Variants in DPY19L1 observed in about 807,000 individuals in gnomAD.
DPY19L1 encodes dpy-19 like C-mannosyltransferase 1, also known as protein C-mannosyl-transferase DPY19L1.
DPY19L1 carries 35 observed loss-of-function variants against 96.9 expected under a neutral mutation model. That is an observed-to-expected ratio of 0.36 (90% CI 0.28 to 0.48). DPY19L1 has a LOEUF of 0.48. Among genes scored for constraint, DPY19L1 ranks in the 20% least tolerant of loss-of-function variants. The pLI is 0.99. For synonymous variants in DPY19L1, 205 were observed against 252.6 expected (o/e 0.81, Z 1.79); for missense variants, 521 against 777.9 (o/e 0.67, Z 3.93).
chr7:35,032,190 C>T lies in DPY19L1; in HGVS notation c.298+4907G>A, dbSNP rs329264. On this transcript the variant is annotated intron_variant, in intron 1 of 21. Transcript: ENST00000638088. ...AATGTTAGGGTTTCTCAGAATTGGA[C>T]TCTAGGGTTTCATTTCTTTTGCTGT... Among the ~76,000 whole-genome samples the T allele has an allele frequency of 1.4e-3, 218 of 152,262 alleles. 1 individual carries two copies. Among genetic ancestry groups the T allele is most frequent in the African/African-American group, 5.1e-3 (212 of 41,540 alleles).
chr7:34,964,896 AT>A (rs1199195828), intron 10 of DPY19L1, among the ~76,000 whole-genome samples: 1 of 152,192 alleles, frequency 6.6e-6, no homozygotes, highest in Non-Finnish European at 1.5e-5. Flanking sequence ...CAATGGAAAC[AT>A]GAAGGGCATA....
intron 7 of DPY19L1, among the ~76,000 whole-genome samples, chr7:34,976,311 T>C (rs1406912388): frequency 2.0e-5 from 3 of 152,154 alleles, no homozygotes; most frequent in Non-Finnish European, 4.4e-5. Flanking sequence ...TAACTGCAGA[T>C]GTGATGGAAA....
intron 1 of DPY19L1, among the ~76,000 whole-genome samples, chr7:35,035,417 C>A (rs1377453060): frequency 6.6e-6 from 1 of 152,032 alleles, no homozygotes; most frequent in African/African-American, 2.4e-5. Flanking sequence ...TCAAAGGAAA[C>A]GCAATCAAAA....
chr7:34,940,136 CTT>C lies in DPY19L1; in HGVS notation c.1864+15_1864+16del, dbSNP rs374009680. On this transcript the variant is annotated intron_variant, in intron 19 of 21. Transcript: ENST00000638088. ...AGCTAAATAATATGACTTTTTTTTTCTTTTTTTTTTTTTTACCTGGTTTAGTA... is the reference window on the plus strand; with the variant it reads ...AGCTAAATAATATGACTTTTTTTTTCTTTTTTTTTTTTACCTGGTTTAGTA... The C allele has an allele frequency of 6.5e-3, 7,886 of 1,220,988 alleles. No individual in the cohort carries two copies. Among genetic ancestry groups the C allele is most frequent in the South Asian group, 0.021 (1,068 of 51,236 alleles). The allele number at this position is 1,220,988 out of a possible 1,614,324, so 75.6% of individuals were successfully genotyped here.
chr7:35,018,424 A>C (rs1785911337), intron 2 of DPY19L1, 148 bp downstream of exon 2: 1 of 690,244 alleles, frequency 1.4e-6, no homozygotes, highest in South Asian at 2.0e-5. Context: ...TGATTTATCA[A>C]TTAAACTAGT....
chr7:34,957,901 C>G, intron 11 of DPY19L1, 83 bp downstream of exon 11: 1 of 853,648 alleles, frequency 1.2e-6, no homozygotes, highest in Non-Finnish European at 1.8e-6. Flanking sequence ...ACAGAAAACC[C>G]TGATGAATCC....
chr7:35,035,916 A>AG (rs1360629124), intron 1 of DPY19L1, among the ~76,000 whole-genome samples: 8 of 143,322 alleles, frequency 5.6e-5, no homozygotes, highest in Non-Finnish European at 9.3e-5. Context: ...ATAAAAAAAA[A>AG]GGGGGCGGGG....
At chr7:34,938,154 A>C (rs1025677103) in intron 20 of DPY19L1, 35 bp from the exon 21 acceptor site, 1 of 1,596,502 alleles carries the variant, frequency 6.3e-7, no homozygotes, top group Admixed American at 1.7e-5. Context: ...AAAATTTTCA[A>C]GACTAAAACG....
At chr7:34,974,315 G>A (rs1485090669) in intron 7 of DPY19L1, among the ~76,000 whole-genome samples, 2 of 152,124 alleles carry the variant, frequency 1.3e-5, no homozygotes, top group Non-Finnish European at 2.9e-5. Flanking sequence ...TTAAATGCAA[G>A]CAATCTGATA....
chr7:34,943,047 C>G (rs1436800044), intron 16 of DPY19L1, among the ~76,000 whole-genome samples: 1 of 152,186 alleles, frequency 6.6e-6, no homozygotes, highest in African/African-American at 2.4e-5. Flanking sequence ...GGGTCAGAGA[C>G]AGAAATGTGT....
chr7:34,996,970 A>G lies in DPY19L1; in HGVS notation c.765-7029T>C, dbSNP rs147087864. ...ATCCCAGGAGGATGGGCTGGCAGAG[A>G]AGTGGAAGGACGCCAGAGATACTCT... On this transcript the variant is annotated intron_variant, in intron 6 of 21. Transcript: ENST00000638088. 2.5e-3 allele frequency among the ~76,000 whole-genome samples: 387 copies of G among 152,226 alleles called. 1 individual carries two copies. The highest frequency in any genetic ancestry group is 8.9e-3 in the African/African-American group (371 of 41,538).
At chr7:35,032,242 T>C (rs1257442001) in intron 1 of DPY19L1, among the ~76,000 whole-genome samples, 1 of 152,166 alleles carries the variant, frequency 6.6e-6, no homozygotes, top group Non-Finnish European at 1.5e-5. Context: ...AGATGAAATA[T>C]AGCATACTAG....
upstream of DPY19L1, chr7:35,037,886 C>G: frequency 8.1e-7 from 1 of 1,238,786 alleles, no homozygotes; most frequent in Non-Finnish European, 1.0e-6. Context: ...CGGAGGCGGC[C>G]GCCCTTCCAT....
rs1360728893 is a variant in DPY19L1, at chr7:35,004,421, AAAGAAAAAC to A, written c.764+6038_764+6046del. Among the ~76,000 whole-genome samples, 15 of 152,380 alleles carry A rather than the reference AAAGAAAAAC, an allele frequency of 9.8e-5. No homozygotes were observed. In the South Asian group the frequency reaches 1.7e-3, roughly 17 times the overall value. On this transcript the variant is annotated intron_variant, in intron 6 of 21. Coordinates refer to ENST00000638088, the MANE Select transcript of DPY19L1 (RefSeq NM_001366673.1). The stretch of plus-strand genomic sequence containing the variant: ...GTAAACACATGAGTGGCACAATCAT[AAAGAAAAAC>A]AAGGAAAACATTGGTCCAAAAGTTA...
intron 1 of DPY19L1, among the ~76,000 whole-genome samples, chr7:35,026,404 T>C (rs1248889434): frequency 6.6e-6 from 1 of 152,128 alleles, no homozygotes; most frequent in Non-Finnish European, 1.5e-5. Flanking sequence ...CTTTCCACAT[T>C]ACTATGTCTG....
intron 1 of DPY19L1, among the ~76,000 whole-genome samples, chr7:35,032,483 TA>T (rs1239538429): frequency 6.6e-6 from 1 of 152,180 alleles, no homozygotes; most frequent in African/African-American, 2.4e-5. Context: ...CCTATCAGTA[TA>T]AGATGCTATT....
At chr7:34,948,279 C>CT (rs1316468995) in intron 14 of DPY19L1, among the ~76,000 whole-genome samples, 1 of 152,084 alleles carries the variant, frequency 6.6e-6, no homozygotes. Flanking sequence ...TGCTTTTATA[C>CT]TTTTTTTACT....
chr7:35,033,348 T>G (rs1786307015), intron 1 of DPY19L1, among the ~76,000 whole-genome samples: 1 of 152,162 alleles, frequency 6.6e-6, no homozygotes, highest in African/African-American at 2.4e-5. Context: ...TGTGCAATTA[T>G]TTTCATTTAT....
At chr7:34,984,318 C>T (rs777420956) in intron 7 of DPY19L1, among the ~76,000 whole-genome samples, 5 of 152,018 alleles carry the variant, frequency 3.3e-5, no homozygotes, top group Admixed American at 2.6e-4. Flanking sequence ...ATTAGGCACA[C>T]GTCAAGATGA....
Sources: allele counts gnomAD v4.1 joint callset (sites outside exome capture counted in the v4.1 genomes callset), GRCh38; gene constraint gnomAD v4.1.1; transcripts MANE v1.5; gene names NCBI Gene and HGNC (gene_info 2026-07-23, HGNC 2026-07-21).